Variants in SERINC5 observed in about 807,000 individuals in gnomAD.
SERINC5 encodes the protein serine incorporator 5.
SERINC5 carries 41 observed loss-of-function variants against 63.1 expected under a neutral mutation model. The observed-to-expected ratio is 0.65, with a 90% CI of 0.51 to 0.84. The LOEUF is 0.84. SERINC5 is among the 40% of genes least tolerant of loss of function. The pLI, the probability that SERINC5 is intolerant of heterozygous loss-of-function variation, is 0.00. For missense variants in SERINC5, 523 were observed against 573.0 expected, an observed-to-expected ratio of 0.91 and a Z score of 0.89; for synonymous variants, 222 against 215.2, an observed-to-expected ratio of 1.03 and a Z score of -0.28.
intron 5 of SERINC5, among the ~76,000 whole-genome samples, chr5:80,174,182 G>A (rs916668248): frequency 1.3e-5 from 2 of 151,716 alleles, no homozygotes; most frequent in Non-Finnish European, 2.9e-5. Context: ...GCGACGTGGC[G>A]AAATCCCATC....
At chr5:80,123,104 A>ATTTTT (rs3038377) in intron 11 of SERINC5, among the ~76,000 whole-genome samples, 5 of 151,738 alleles carry the variant, frequency 3.3e-5, no homozygotes, top group Admixed American at 6.5e-5. Context: ...TTTGTCATCA[A>ATTTTT]TTTTTCTTTG....
intron 1 of SERINC5, among the ~76,000 whole-genome samples, chr5:80,253,497 G>A (rs143823572): frequency 0.018 from 2,778 of 152,134 alleles, 85 homozygotes; most frequent in African/African-American, 0.061. Context: ...ACCACAGCTC[G>A]CCCCTGCTCA....
At chr5:80,130,457 T>C (rs2112253986) in intron 11 of SERINC5, among the ~76,000 whole-genome samples, 1 of 152,308 alleles carries the variant, frequency 6.6e-6, no homozygotes, top group East Asian at 1.9e-4. Context: ...CCCAGCTACT[T>C]GGTTGAGGCC....
intron 1 of SERINC5, among the ~76,000 whole-genome samples, chr5:80,221,229 G>A (rs1463416506): frequency 1.3e-5 from 2 of 152,178 alleles, no homozygotes; most frequent in African/African-American, 2.4e-5. Context: ...AACCTTCCCA[G>A]GGGATCATCT....
At chr5:80,221,659 T>C (rs1750912344) in intron 1 of SERINC5, among the ~76,000 whole-genome samples, 1 of 152,064 alleles carries the variant, frequency 6.6e-6, no homozygotes, top group South Asian at 2.1e-4. Context: ...CTGCAATATT[T>C]TAATAGGTAA....
At chr5:80,179,550 C>T (rs1748284122) in intron 2 of SERINC5, among the ~76,000 whole-genome samples, 1 of 152,100 alleles carries the variant, frequency 6.6e-6, no homozygotes, top group Non-Finnish European at 1.5e-5. Context: ...GCACCTGTGC[C>T]ATTATTTATG....
chr5:80,229,504 T>C (rs905970504), intron 1 of SERINC5, among the ~76,000 whole-genome samples: 3 of 152,206 alleles, frequency 2.0e-5, no homozygotes, highest in Non-Finnish European at 4.4e-5. Context: ...TGAACATTCA[T>C]TGTTTAAGTC....
chr5:80,178,535 G>GTTTTT (rs1341563769), intron 2 of SERINC5, among the ~76,000 whole-genome samples: 18 of 81,588 alleles, frequency 2.2e-4, no homozygotes, highest in African/African-American at 8.0e-4. Flanking sequence ...GCTAATTTTT[G>GTTTTT]TATTTTTTTT....
At chr5:80,159,497 C>T (rs1024540256) in intron 7 of SERINC5, among the ~76,000 whole-genome samples, 3 of 151,870 alleles carry the variant, frequency 2.0e-5, no homozygotes, top group Non-Finnish European at 4.4e-5. Context: ...GGTCTTCATT[C>T]GCATTTACTT....
rs1041121817 is a variant in SERINC5 at position 80,218,098 on chromosome 5, A to AAAAC, written c.28-15049_28-15046dup. Among the ~76,000 whole-genome samples, 15 of 152,340 alleles carry AAAAC rather than the reference A, an allele frequency of 9.8e-5. No homozygotes were observed. The East Asian group carries it at 1.2e-3, about 12-fold the overall frequency. On this transcript the variant is annotated intron_variant, in intron 1 of 11. Transcript: ENST00000507668. ...TTAAAAAACGCTCTGCTCCATCTCA[A>AAAAC]AAACAAACAAACAAACAAATGCTCT...
At chr5:80,245,887 T>A (rs1752146008) in intron 1 of SERINC5, among the ~76,000 whole-genome samples, 1 of 150,056 alleles carries the variant, frequency 6.7e-6, no homozygotes, top group Non-Finnish European at 1.5e-5. Context: ...AATGCTGGGA[T>A]TACAGGTGTG....
chr5:80,226,632 C>T (rs1158705309), intron 1 of SERINC5, among the ~76,000 whole-genome samples: 1 of 152,192 alleles, frequency 6.6e-6, no homozygotes, highest in Non-Finnish European at 1.5e-5. Flanking sequence ...ATTCCCAATG[C>T]TTTCTGCGAG....
intron 2 of SERINC5, among the ~76,000 whole-genome samples, chr5:80,202,011 G>A (rs1561421492): frequency 6.6e-6 from 1 of 152,192 alleles, no homozygotes; most frequent in Non-Finnish European, 1.5e-5. Flanking sequence ...GCCAAGGCGG[G>A]TAGATCACTT....
downstream of SERINC5, among the ~76,000 whole-genome samples, chr5:80,135,997 A>G (rs1745154804): frequency 6.6e-6 from 1 of 152,088 alleles, no homozygotes; most frequent in Admixed American, 6.6e-5. Context: ...TTGCAAATTG[A>G]AGAGTTCTGG....
At chr5:80,112,039 C>G (rs1191653814) in intron 12 of SERINC5, among the ~76,000 whole-genome samples, 2 of 152,236 alleles carry the variant, frequency 1.3e-5, no homozygotes, top group Non-Finnish European at 2.9e-5. Flanking sequence ...CCCAGGAAAA[C>G]CGGGTATTGT....
chr5:80,172,807 G>A (rs1475023507), intron 5 of SERINC5, among the ~76,000 whole-genome samples: 1 of 152,182 alleles, frequency 6.6e-6, no homozygotes, highest in East Asian at 1.9e-4. Flanking sequence ...CGTGGGAGAC[G>A]ACCAACGCTT....
intron 1 of SERINC5, among the ~76,000 whole-genome samples, chr5:80,215,848 G>A (rs911867850): frequency 1.7e-4 from 26 of 152,184 alleles, no homozygotes; most frequent in Admixed American, 1.6e-3. Context: ...CCATCAGTCA[G>A]CTTTGGGGTT....
At chr5:80,229,341 ATT>A (rs59664490) in intron 1 of SERINC5, among the ~76,000 whole-genome samples, 18 of 120,178 alleles carry the variant, frequency 1.5e-4, no homozygotes, top group African/African-American at 2.9e-4. Context: ...TACTTACACA[ATT>A]TTTTTTTTTT....
intron 6 of SERINC5, chr5:80,166,847 A>G: frequency 4.9e-6 from 1 of 205,444 alleles, no homozygotes; most frequent in Non-Finnish European, 1.0e-5. Context: ...AAAACCACAT[A>G]GCTTAATTGG....
Sources: gnomAD v4.1 joint callset for allele counts (sites outside exome capture counted in the v4.1 genomes callset) on GRCh38, gnomAD v4.1.1 for gene constraint, MANE v1.5 for transcripts, NCBI Gene and HGNC (gene_info 2026-07-23, HGNC 2026-07-21) for gene names.